The following JAM3 variants were observed in gnomAD, a reference collection of about 807,000 sequenced individuals.
JAM3 encodes the protein junctional adhesion molecule 3.
In JAM3, 31 loss-of-function variants were observed where a neutral mutation model predicts 39.4. The observed-to-expected ratio is 0.79, with a 90% CI of 0.59 to 1.06. JAM3 has a LOEUF of 1.06. Among genes scored for constraint, JAM3 ranks in the 50% least tolerant of loss-of-function variants. JAM3 has a pLI of 0.00. For synonymous variants in JAM3, 182 were observed against 148.7 expected (o/e 1.22, Z -1.63); for missense variants, 455 against 391.4 (o/e 1.16, Z -1.37).
chr11:134,106,809 G>T (rs191918590), intron 1 of JAM3, among the ~76,000 whole-genome samples: 18 of 152,254 alleles, frequency 1.2e-4, no homozygotes, highest in Non-Finnish European at 2.5e-4. Flanking sequence ...TTAGAATTGC[G>T]ATCATTAAAA....
chr11:134,117,086 G>T (rs1291008565), intron 1 of JAM3, among the ~76,000 whole-genome samples: 9 of 152,064 alleles, frequency 5.9e-5, no homozygotes, highest in African/African-American at 2.2e-4. Context: ...CCACGGCCAG[G>T]CACAGTGGCT....
intron 1 of JAM3, among the ~76,000 whole-genome samples, chr11:134,127,212 A>T (rs1164574441): frequency 6.6e-6 from 1 of 152,364 alleles, no homozygotes; most frequent in Admixed American, 6.5e-5. Flanking sequence ...TGTGGACTAT[A>T]GGCAAGCCAC....
chr11:134,117,016 A>G (rs1304243278), intron 1 of JAM3, among the ~76,000 whole-genome samples: 1 of 151,784 alleles, frequency 6.6e-6, no homozygotes, highest in Non-Finnish European at 1.5e-5. Flanking sequence ...ACTCAACACC[A>G]TATTGGAGGT....
intron 1 of JAM3, among the ~76,000 whole-genome samples, chr11:134,118,859 G>A (rs1047536233): frequency 4.6e-5 from 7 of 152,078 alleles, no homozygotes; most frequent in African/African-American, 1.7e-4. Flanking sequence ...TTGGTTAACG[G>A]TCTTTCCAGG....
intron 1 of JAM3, among the ~76,000 whole-genome samples, chr11:134,105,897 C>T (rs1334970990): frequency 6.6e-6 from 1 of 152,158 alleles, no homozygotes; most frequent in African/African-American, 2.4e-5. Flanking sequence ...TAGGAAGAAT[C>T]AATATCGTGA....
At chr11:134,135,255 CTGT>C (rs1942843338) in intron 1 of JAM3, among the ~76,000 whole-genome samples, 1 of 152,192 alleles carries the variant, frequency 6.6e-6, no homozygotes, top group Non-Finnish European at 1.5e-5. Context: ...TTTCCCAGCA[CTGT>C]TGTTGGAAAG....
intron 1 of JAM3, among the ~76,000 whole-genome samples, chr11:134,081,736 A>G (rs570640965): frequency 2.0e-5 from 3 of 152,218 alleles, no homozygotes; most frequent in African/African-American, 4.8e-5. Context: ...CAGAGTCCCT[A>G]CTGGGGTACT....
Position 134,150,558 on chromosome 11 carries a change from C to T in JAM3, c.*1377C>T, listed in dbSNP as rs1221939856. ...GGCACTGCAGGGACACTGGTGTCTT[C>T]CATGTAGCGTCCCAGCTTTGGGCTC... On this transcript the variant is annotated 3_prime_UTR_variant, in exon 9 of 9. Transcript: ENST00000299106. 6.6e-6 allele frequency: 1 copy of T among 152,240 alleles called. No homozygotes were observed. The highest frequency in any genetic ancestry group is 1.5e-5 in the Non-Finnish European group (1 of 68,038). The allele number at this position is 152,240 out of a possible 1,614,324, so 9.4% of individuals were successfully genotyped here.
At chr11:134,118,748 C>T (rs1270035251) in intron 1 of JAM3, among the ~76,000 whole-genome samples, 1 of 152,142 alleles carries the variant, frequency 6.6e-6, no homozygotes, top group Non-Finnish European at 1.5e-5. Flanking sequence ...TTTTGTCTTT[C>T]CTCATAGCTT....
rs569892798 is a variant in JAM3, at chr11:134,112,939, C to G, written c.77-26912C>G. Among the ~76,000 whole-genome samples the G allele has an allele frequency of 1.8e-4, 28 of 152,266 alleles. 1 individual carries two copies. The South Asian group carries it at 5.6e-3, about 30-fold the overall frequency. On this transcript the variant is annotated intron_variant, in intron 1 of 8. Coordinates refer to ENST00000299106, the MANE Select transcript of JAM3 (RefSeq NM_032801.5). ...AAGAGAAAGTTATATATGCTGTCTT[C>G]TGTGTGATGGGCTAGGGCCTGGAGT... is the stretch of plus-strand genomic sequence containing the variant.
At chr11:134,144,491 C>T in intron 4 of JAM3, 98 bp downstream of exon 4, 2 of 1,395,882 alleles carry the variant, frequency 1.4e-6, no homozygotes, top group South Asian at 2.3e-5. Flanking sequence ...TCCCTGAGGG[C>T]TTCACATGGC....
intron 1 of JAM3, among the ~76,000 whole-genome samples, chr11:134,086,877 C>A (rs1941753697): frequency 6.6e-6 from 1 of 151,940 alleles, no homozygotes; most frequent in African/African-American, 2.4e-5. Context: ...GAACACGGTT[C>A]GCTGCAGCCT....
chr11:134,096,101 C>G lies in JAM3; in HGVS notation c.76+26942C>G, dbSNP rs561577863. The stretch of plus-strand genomic sequence containing the variant: ...AGGTGATTCTCATGCCTCATCCTCC[C>G]AAGTAGCTGGGATGACAGGTGCGCG... On this transcript the variant is annotated intron_variant, in intron 1 of 8. Transcript: ENST00000299106. 2.6e-5 allele frequency among the ~76,000 whole-genome samples: 4 copies of G among 152,204 alleles called. No homozygotes were observed. In the East Asian group the frequency reaches 7.7e-4, roughly 29 times the overall value.
chr11:134,111,131 A>ATTTTTTTTTTTTTTTT (rs1942300392), intron 1 of JAM3, among the ~76,000 whole-genome samples: 1 of 115,226 alleles, frequency 8.7e-6, no homozygotes, highest in African/African-American at 4.2e-5. Context: ...ACACACATCC[A>ATTTTTTTTTTTTTTTT]TCTTTTTTTT....
intron 1 of JAM3, among the ~76,000 whole-genome samples, chr11:134,086,717 C>T (rs891800769): frequency 5.9e-5 from 9 of 152,046 alleles, no homozygotes; most frequent in South Asian, 2.1e-4. Flanking sequence ...GAAAATGCCA[C>T]GTAAATAGAT....
chr11:134,141,323 T>C (rs1354093357), intron 3 of JAM3, among the ~76,000 whole-genome samples: 2 of 151,576 alleles, frequency 1.3e-5, no homozygotes, highest in Admixed American at 6.6e-5. Flanking sequence ...GCAGGCAAGA[T>C]GGTATGGAGG....
At chr11:134,115,618 G>T (rs974682329) in intron 1 of JAM3, among the ~76,000 whole-genome samples, 1 of 152,024 alleles carries the variant, frequency 6.6e-6, no homozygotes, top group African/African-American at 2.4e-5. Context: ...TGGGGGAGGG[G>T]GTCAGGTGCT....
chr11:134,093,059 TCCAC>T, intron 1 of JAM3, among the ~76,000 whole-genome samples: 11 of 136,272 alleles, frequency 8.1e-5, no homozygotes, highest in African/African-American at 2.8e-4. Context: ...TTCATCATGT[TCCAC>T]CTTACATCTT....
At chr11:134,120,512 C>T (rs927490590) in intron 1 of JAM3, among the ~76,000 whole-genome samples, 2 of 152,204 alleles carry the variant, frequency 1.3e-5, no homozygotes, top group African/African-American at 4.8e-5. Flanking sequence ...TCGTGGAAAG[C>T]TAAGACAACC....
Sources: gnomAD v4.1 joint callset for allele counts (sites outside exome capture counted in the v4.1 genomes callset) on GRCh38, gnomAD v4.1.1 for gene constraint, MANE v1.5 for transcripts, NCBI Gene and HGNC (gene_info 2026-07-23, HGNC 2026-07-21) for gene names.